CSMD1: variants seen among roughly 807,000 people sequenced by gnomAD.
CSMD1 encodes the protein CUB and sushi domain-containing protein 1.
CSMD1 carries 213 observed loss-of-function variants against 417.5 expected under a neutral mutation model. The observed-to-expected ratio is 0.51, with a 90% CI of 0.46 to 0.57. CSMD1 has a LOEUF of 0.57. Ranked by LOEUF, CSMD1 falls within the 20% of genes least tolerant of loss-of-function variation. CSMD1 has a pLI of 0.00. For missense variants in CSMD1, 6,923 were observed against 4,529.7 expected (o/e 1.53, Z -15.17); for synonymous variants, 2,862 against 1,736.8 (o/e 1.65, Z -16.11).
intron 3 of CSMD1, among the ~76,000 whole-genome samples, chr8:4,201,540 C>CAAAAAAAAAAAA (rs1157479482): frequency 5.1e-5 from 3 of 59,030 alleles, no homozygotes; most frequent in Admixed American, 3.0e-4. Flanking sequence ...TCTGTCTCCA[C>CAAAAAAAAAAAA]AAAAAAAAAA....
intron 3 of CSMD1, among the ~76,000 whole-genome samples, chr8:4,378,590 C>A (rs936064203): frequency 6.6e-6 from 1 of 152,084 alleles, no homozygotes; most frequent in African/African-American, 2.4e-5. Context: ...TTTCAAATAC[C>A]TTGAGTCAAA....
At chr8:4,588,356 G>A (rs920969918) in intron 2 of CSMD1, among the ~76,000 whole-genome samples, 6 of 143,382 alleles carry the variant, frequency 4.2e-5, no homozygotes, top group Admixed American at 2.1e-4. Flanking sequence ...AGCACACACT[G>A]GCTATGCTAT....
chr8:3,582,909 A>C (rs1800443009), intron 9 of CSMD1, among the ~76,000 whole-genome samples: 1 of 152,204 alleles, frequency 6.6e-6, no homozygotes, highest in Non-Finnish European at 1.5e-5. Context: ...TCAATCCAGC[A>C]CTAACTTAGG....
At chr8:4,780,439 A>G (rs867307461) in intron 1 of CSMD1, among the ~76,000 whole-genome samples, 1 of 143,132 alleles carries the variant, frequency 7.0e-6, no homozygotes, top group East Asian at 2.3e-4. Context: ...CTGTCTGTCT[A>G]CCTACCTACC....
At chr8:4,001,602 A>G (rs1042695202) in intron 4 of CSMD1, among the ~76,000 whole-genome samples, 3 of 152,174 alleles carry the variant, frequency 2.0e-5, no homozygotes, top group Non-Finnish European at 2.9e-5. Flanking sequence ...ATAAACTGCA[A>G]TGTTATGCCC....
intron 3 of CSMD1, among the ~76,000 whole-genome samples, chr8:4,211,702 T>A (rs1800322907): frequency 6.6e-6 from 1 of 152,206 alleles, no homozygotes. Flanking sequence ...AAGTTGAACA[T>A]GAAGCAACCT....
At chr8:4,049,278 T>A (rs915710806) in intron 3 of CSMD1, among the ~76,000 whole-genome samples, 4 of 152,048 alleles carry the variant, frequency 2.6e-5, no homozygotes, top group Non-Finnish European at 5.9e-5. Context: ...TTATTTGCTG[T>A]GGAGATTGTC....
intron 26 of CSMD1, among the ~76,000 whole-genome samples, chr8:3,247,863 G>C (rs565956697): frequency 6.6e-6 from 1 of 152,170 alleles, no homozygotes. Context: ...ATTCACAAGG[G>C]GGGAGCAGGA....
In CSMD1 at chr8:3,933,139, T is replaced by C. The variant is rs1030225629; in HGVS notation, c.818+64764A>G. Among the ~76,000 whole-genome samples, 7 of 136,706 alleles carry C rather than the reference T, an allele frequency of 5.1e-5. 1 individual carries two copies. Among genetic ancestry groups the C allele is most frequent in the East Asian group, 2.1e-4 (1 of 4,728 alleles). The allele number at this position is 136,706 out of a possible 152,430, so 89.7% of individuals were successfully genotyped here. ...GTTTATATATTTTGATTTTTACCAA[T>C]GTAATACATTTATCTAAAGTCCACC... On this transcript the variant is annotated intron_variant, in intron 5 of 69. Coordinates refer to ENST00000635120, the MANE Select transcript of CSMD1 (RefSeq NM_033225.6).
chr8:3,717,588 G>A (rs989386189), intron 6 of CSMD1, among the ~76,000 whole-genome samples: 2 of 152,106 alleles, frequency 1.3e-5, no homozygotes, highest in Non-Finnish European at 2.9e-5. Flanking sequence ...TAATCAAGAA[G>A]AAAATGTAAC....
At chr8:4,797,913 G>A (rs561782873) in intron 1 of CSMD1, among the ~76,000 whole-genome samples, 1 of 152,270 alleles carries the variant, frequency 6.6e-6, no homozygotes, top group African/African-American at 2.4e-5. Context: ...CCACAGAAGG[G>A]CATGACAGAT....
intron 2 of CSMD1, among the ~76,000 whole-genome samples, chr8:4,614,789 A>T (rs375722558): frequency 1.3e-5 from 2 of 152,198 alleles, no homozygotes; most frequent in African/African-American, 4.8e-5. Context: ...ATGTCTGTAG[A>T]ATTTAAAATG....
intron 1 of CSMD1, among the ~76,000 whole-genome samples, chr8:4,945,788 G>A (rs940033518): frequency 2.0e-5 from 3 of 152,114 alleles, no homozygotes; most frequent in South Asian, 2.1e-4. Context: ...GAATGGTGAC[G>A]GATGAGGTTA....
At chr8:3,648,077 G>A (rs2117362310) in intron 7 of CSMD1, among the ~76,000 whole-genome samples, 1 of 152,324 alleles carries the variant, frequency 6.6e-6, no homozygotes, top group Non-Finnish European at 1.5e-5. Flanking sequence ...CAGATGGATG[G>A]ATGTGTTCTA....
chr8:3,181,304 C>A (rs1821308566), intron 36 of CSMD1, 90 bp from the exon 37 acceptor site: 2 of 837,598 alleles, frequency 2.4e-6, no homozygotes, highest in Non-Finnish European at 1.9e-6. Context: ...ATTAGGCTTA[C>A]AAATCCCTAC....
chr8:4,460,242 A>C (rs111714593), intron 2 of CSMD1, among the ~76,000 whole-genome samples: 15 of 152,154 alleles, frequency 9.9e-5, no homozygotes, highest in African/African-American at 3.6e-4. Context: ...CTAAAAACCC[A>C]AAGGAGTTAA....
intron 6 of CSMD1, among the ~76,000 whole-genome samples, chr8:3,717,668 T>C (rs1019942514): frequency 3.3e-5 from 5 of 152,178 alleles, no homozygotes; most frequent in Middle Eastern, 3.2e-3. Flanking sequence ...GCTATGTGCA[T>C]TGTATATATA....
Position 2,938,651 on chromosome 8 carries a change from T to A in CSMD1, c.10629A>T (p.Leu3543Phe). Residue 3543 changes from leucine to phenylalanine, a missense_variant, in exon 70 of 70, where the codon TTA (leucine) becomes TTT (phenylalanine). Transcript: ENST00000635120. ...TCACAGCCTTGGCTTCTGTGGGTTT[T>A]AAGTTTGTATCATACATGGGGTTTT... Reference protein sequence around the residue: ...SFENPMYDTNLKPTEAKAVRF... With the variant: ...SFENPMYDTNFKPTEAKAVRF... The A allele has an allele frequency of 6.2e-7, 1 of 1,611,784 alleles. No homozygotes were observed. Among genetic ancestry groups the A allele is most frequent in the Non-Finnish European group, 8.5e-7 (1 of 1,178,902 alleles).
At chr8:3,798,603 A>C (rs1800291814) in intron 5 of CSMD1, among the ~76,000 whole-genome samples, 2 of 152,282 alleles carry the variant, frequency 1.3e-5, no homozygotes, top group East Asian at 3.9e-4. Flanking sequence ...ATAAAATATT[A>C]ACTTTGCTTC....
Sources: gnomAD v4.1 joint callset for allele counts (sites outside exome capture counted in the v4.1 genomes callset) on GRCh38, gnomAD v4.1.1 for gene constraint, MANE v1.5 for transcripts, NCBI Gene and HGNC (gene_info 2026-07-23, HGNC 2026-07-21) for gene names.